The following PRKCE variants were observed in gnomAD, a reference collection of about 807,000 sequenced individuals.
The protein encoded by PRKCE is protein kinase C epsilon.
Under a neutral mutation model 85.4 loss-of-function variants are expected in PRKCE, and 16 were observed. The ratio of observed to expected loss-of-function variants is 0.19; its 90% confidence interval spans 0.13 to 0.28. The LOEUF (loss-of-function observed/expected upper bound fraction) is 0.28, where lower values mean the gene tolerates loss of function less well. PRKCE is among the 10% of genes least tolerant of loss of function. PRKCE has a pLI of 1.00. For synonymous variants in PRKCE, 388 were observed against 371.5 expected (o/e 1.04, Z -0.51); for missense variants, 573 against 975.2 (o/e 0.59, Z 5.49).
chr2:46,093,748 T>C (rs1324090926), intron 11 of PRKCE, among the ~76,000 whole-genome samples: 1 of 152,120 alleles, frequency 6.6e-6, no homozygotes, highest in Non-Finnish European at 1.5e-5. Flanking sequence ...GACCTACCAC[T>C]GTGGAAAATG....
At chr2:46,179,211 C>T (rs1679727877) in intron 14 of PRKCE, among the ~76,000 whole-genome samples, 1 of 152,184 alleles carries the variant, frequency 6.6e-6, no homozygotes, top group African/African-American at 2.4e-5. Context: ...CTGTTGATCT[C>T]CTGGGAATCA....
intron 1 of PRKCE, among the ~76,000 whole-genome samples, chr2:45,719,661 A>G (rs6725257): frequency 0.86 from 130,792 of 152,246 alleles, 56,579 homozygotes; most frequent in African/African-American, 0.95. Flanking sequence ...ATGTAGCCGT[A>G]AAACACACAT....
In PRKCE at chr2:46,145,271, A is replaced by G; in HGVS notation, c.1731+40A>G. On this transcript the variant is annotated intron_variant, in intron 12 of 14. Coordinates refer to ENST00000306156, the MANE Select transcript of PRKCE (RefSeq NM_005400.3). The surrounding 1 kb of genome is among the most constrained non-coding windows in gnomAD (Gnocchi z 4.6). ...CAAAGGTTCACCTCCTCCTGGTGCC[A>G]GGACCGAGGCAGGGGTCCAAACCCA... 2 of 1,598,168 alleles carry G rather than the reference A, an allele frequency of 1.3e-6. No individual in the cohort carries two copies. Among genetic ancestry groups the G allele is most frequent in the Non-Finnish European group, 1.7e-6 (2 of 1,179,016 alleles).
chr2:45,828,786 A>G (rs1690164709), intron 1 of PRKCE, among the ~76,000 whole-genome samples: 1 of 152,160 alleles, frequency 6.6e-6, no homozygotes, highest in African/African-American at 2.4e-5. Flanking sequence ...TTTTTAACAA[A>G]AAAGCTATAG....
At chr2:46,075,163 C>T (rs1668447774) in intron 10 of PRKCE, among the ~76,000 whole-genome samples, 1 of 152,098 alleles carries the variant, frequency 6.6e-6, no homozygotes. Context: ...GCCTGAGCCT[C>T]CCGAGTAGCT....
intron 2 of PRKCE, among the ~76,000 whole-genome samples, chr2:45,892,292 A>G (rs529322419): frequency 6.6e-6 from 1 of 152,162 alleles, no homozygotes; most frequent in African/African-American, 2.4e-5. Flanking sequence ...ATGCCTGTCC[A>G]CTTAGATGGA....
At chr2:45,671,856 G>A (rs1676178500) in intron 1 of PRKCE, among the ~76,000 whole-genome samples, 1 of 152,010 alleles carries the variant, frequency 6.6e-6, no homozygotes, top group African/African-American at 2.4e-5. Flanking sequence ...ATTGCTTGAG[G>A]TCAAGACCAG....
intron 6 of PRKCE, among the ~76,000 whole-genome samples, chr2:45,994,401 A>G (rs1182701171): frequency 6.6e-6 from 1 of 152,122 alleles, no homozygotes; most frequent in Non-Finnish European, 1.5e-5. Context: ...TATCTTACAG[A>G]ATAGTTTTAC....
intron 1 of PRKCE, among the ~76,000 whole-genome samples, chr2:45,795,642 G>A (rs1687379379): frequency 6.6e-6 from 1 of 152,138 alleles, no homozygotes; most frequent in Admixed American, 6.5e-5. Context: ...CTATTCTGCT[G>A]CTCTCCATAC....
chr2:45,866,026 C>T (rs1693578178), intron 2 of PRKCE, among the ~76,000 whole-genome samples: 1 of 151,926 alleles, frequency 6.6e-6, no homozygotes, highest in African/African-American at 2.4e-5. Context: ...CCCTGTGTTG[C>T]CCAGGCTGGT....
intron 14 of PRKCE, among the ~76,000 whole-genome samples, chr2:46,179,863 C>T (rs1381655425): frequency 6.6e-6 from 1 of 152,216 alleles, no homozygotes; most frequent in Non-Finnish European, 1.5e-5. Flanking sequence ...CCTGCCTCCA[C>T]TTCCCAAAAT....
At chr2:45,903,593 T>C (rs1696730339) in intron 2 of PRKCE, among the ~76,000 whole-genome samples, 1 of 152,260 alleles carries the variant, frequency 6.6e-6, no homozygotes, top group South Asian at 2.1e-4. Context: ...CACATAGTTA[T>C]AAAGAATTAT....
At position 46,007,583 on chromosome 2, in the gene PRKCE, C is replaced by T; in HGVS notation, c.1185C>T (p.Val395=). The T allele has an allele frequency of 6.3e-7, 1 of 1,599,808 alleles. No homozygotes were observed. Among genetic ancestry groups the T allele is most frequent in the South Asian group, 1.1e-5 (1 of 91,086 alleles). ...QLMSPGENGE[V]RQGQAKRLGL... ...TGAGCCCCGGTGAGAATGGCGAAGT[C>T]CGGCAAGGCCAGGCCAAGCGCCTGG... is the stretch of plus-strand genomic sequence containing the variant. Residue 395 remains valine, a synonymous_variant, in exon 9 of 15, where the codon GTC becomes GTT. Transcript: ENST00000306156.
At chr2:45,823,017 CA>C (rs750647265) in intron 1 of PRKCE, among the ~76,000 whole-genome samples, 1 of 152,166 alleles carries the variant, frequency 6.6e-6, no homozygotes, top group Non-Finnish European at 1.5e-5. Flanking sequence ...GTTAAACCCC[CA>C]CTCCCACCCC....
intron 6 of PRKCE, among the ~76,000 whole-genome samples, chr2:45,992,676 C>T (rs1189377654): frequency 6.6e-6 from 1 of 152,226 alleles, no homozygotes; most frequent in Admixed American, 6.5e-5. Flanking sequence ...TGGGCCCCTC[C>T]TTAGGAGTGG....
chr2:46,015,691 CAAAAAAAAAA>C (rs749060776), intron 10 of PRKCE, among the ~76,000 whole-genome samples: 3 of 80,800 alleles, frequency 3.7e-5, no homozygotes, highest in Non-Finnish European at 7.4e-5. Flanking sequence ...AACACTAAAC[CAAAAAAAAAA>C]AAAAAAAAAA....
chr2:45,967,794 TAG>T (rs1701832518), intron 2 of PRKCE, among the ~76,000 whole-genome samples: 1 of 152,086 alleles, frequency 6.6e-6, no homozygotes, highest in Non-Finnish European at 1.5e-5. Flanking sequence ...CCTCTCCTGA[TAG>T]ATAAGATAGG....
intron 14 of PRKCE, among the ~76,000 whole-genome samples, chr2:46,177,982 G>A (rs956363145): frequency 5.9e-5 from 9 of 152,158 alleles, no homozygotes; most frequent in African/African-American, 2.2e-4. Context: ...AAAAATGGCT[G>A]GGCATGGTGG....
intron 11 of PRKCE, 144 bp downstream of exon 11, chr2:46,086,506 C>T: frequency 1.1e-6 from 1 of 939,620 alleles, no homozygotes; most frequent in Admixed American, 2.9e-5. Flanking sequence ...TTACAGAAGA[C>T]TTTTTTGGGG....
Sources: gnomAD v4.1 joint callset for allele counts (sites outside exome capture counted in the v4.1 genomes callset) on GRCh38, gnomAD v4.1.1 for gene constraint, Gnocchi (gnomAD v3.1) non-coding constraint, MANE v1.5 for transcripts, NCBI Gene and HGNC (gene_info 2026-07-23, HGNC 2026-07-21) for gene names.